The following CCAR1 variants were observed in gnomAD, a reference collection of about 807,000 sequenced individuals.
The protein encoded by CCAR1 is cell division cycle and apoptosis regulator 1.
A neutral mutation model predicts 163.8 loss-of-function variants in CCAR1; 78 were observed. The ratio of observed to expected loss-of-function variants is 0.48; its 90% CI spans 0.40 to 0.57. The LOEUF (loss-of-function observed/expected upper bound fraction) is 0.57. Among genes scored for constraint, CCAR1 ranks in the 20% least tolerant of loss-of-function variants. The probability of loss-of-function intolerance (pLI) is 0.00; values close to 1 mark genes in which losing one functional copy is unlikely to be tolerated. For synonymous variants in CCAR1, 443 were observed against 460.7 expected (o/e 0.96, Z 0.49); for missense variants, 1,019 against 1,365.2 (o/e 0.75, Z 4.00).
At chr10:68,778,062 C>T (rs1249645308) in intron 19 of CCAR1, among the ~76,000 whole-genome samples, 1 of 151,564 alleles carries the variant, frequency 6.6e-6, no homozygotes, top group Non-Finnish European at 1.5e-5. Context: ...GCTAAAAATA[C>T]AAAATTAGCT....
chr10:68,754,254 C>T (rs899851288), intron 11 of CCAR1, among the ~76,000 whole-genome samples, 177 bp downstream of exon 11: 3 of 152,174 alleles, frequency 2.0e-5, no homozygotes, highest in Non-Finnish European at 4.4e-5. Flanking sequence ...TTTGCCTCAT[C>T]TCTTGAGCTG....
chr10:68,749,088 G>C lies in CCAR1; in HGVS notation c.827-48G>C, dbSNP rs566064057. 59 of 1,609,406 alleles carry C rather than the reference G, an allele frequency of 3.7e-5. 1 individual carries two copies. In the South Asian group the frequency reaches 5.5e-4, roughly 15 times the overall value. On this transcript the variant is annotated intron_variant, in intron 8 of 24. Coordinates refer to ENST00000265872, the MANE Select transcript of CCAR1 (RefSeq NM_018237.4). ...TCTAATTTTATCAGGTAATGCCTTCGAACTTTGTTTAGACACGCTAAACGT... is the reference window on the plus strand; with the variant it reads ...TCTAATTTTATCAGGTAATGCCTTCCAACTTTGTTTAGACACGCTAAACGT...
At chr10:68,785,742 T>C (rs2056788807) in intron 19 of CCAR1, among the ~76,000 whole-genome samples, 1 of 152,226 alleles carries the variant, frequency 6.6e-6, no homozygotes, top group South Asian at 2.1e-4. Flanking sequence ...CCAAAAGAGA[T>C]TGATTAGCAG....
intron 17 of CCAR1, among the ~76,000 whole-genome samples, chr10:68,767,120 G>A (rs972383315): frequency 1.9e-4 from 29 of 151,972 alleles, no homozygotes; most frequent in African/African-American, 7.0e-4. Context: ...GTCTCTTTTG[G>A]GGATGAGGTA....
intron 19 of CCAR1, among the ~76,000 whole-genome samples, chr10:68,773,910 T>C (rs1356132686): frequency 6.6e-6 from 1 of 151,712 alleles, no homozygotes; most frequent in Non-Finnish European, 1.5e-5. Context: ...TGTTTTTTTT[T>C]CAGACGGAGT....
chr10:68,757,443 C>A, intron 15 of CCAR1, 66 bp downstream of exon 15: 1 of 867,106 alleles, frequency 1.2e-6, no homozygotes, highest in Non-Finnish European at 1.9e-6. Flanking sequence ...GAGATGGAGT[C>A]TCGCTCTGTC....
chr10:68,762,190 G>A (rs369123471), intron 16 of CCAR1, among the ~76,000 whole-genome samples: 4 of 152,032 alleles, frequency 2.6e-5, no homozygotes, highest in Middle Eastern at 6.8e-3. Flanking sequence ...TTAGCTGGGC[G>A]TGGTTGCAGG....
At chr10:68,726,487 T>A (rs2055948952) in intron 2 of CCAR1, among the ~76,000 whole-genome samples, 1 of 152,132 alleles carries the variant, frequency 6.6e-6, no homozygotes, top group Non-Finnish European at 1.5e-5. Flanking sequence ...TAATCCACAG[T>A]GCTTACCATA....
Position 68,755,388 on chromosome 10 carries a change from G to A in CCAR1, c.1477G>A (p.Gly493Ser). The A allele has an allele frequency of 6.2e-7, 1 of 1,612,482 alleles. No homozygotes were observed. The highest frequency in any genetic ancestry group is 8.5e-7 in the Non-Finnish European group (1 of 1,179,314). The change falls in exon 13 of 25, where the codon GGC (glycine) becomes AGC (serine). Residue 493 changes from glycine to serine, a missense_variant. This residue lies in a region of CCAR1 where 644 missense variants were observed against 904.4 expected (regional missense o/e 0.71). Coordinates refer to ENST00000265872, the MANE Select transcript of CCAR1 (RefSeq NM_018237.4). ...RLVKFLVGMK[G>S]KDEAMAIGGH... ...GAATTAGTTTTTAGTGGGCATGAAA[G>A]GCAAGGATGAAGCTATGGCCATTGG...
chr10:68,752,092 G>A (rs2056340004), intron 10 of CCAR1, among the ~76,000 whole-genome samples: 1 of 150,870 alleles, frequency 6.6e-6, no homozygotes, highest in African/African-American at 2.4e-5. Context: ...AATTTTTTTT[G>A]TATTTTTAGT....
At chr10:68,771,938 T>G (rs571006402) in intron 18 of CCAR1, among the ~76,000 whole-genome samples, 28 of 151,872 alleles carry the variant, frequency 1.8e-4, no homozygotes, top group African/African-American at 4.8e-4. Context: ...TGGCGTAATC[T>G]TGGCTCACTG....
At chr10:68,725,901 C>T (rs2055936838) in intron 2 of CCAR1, among the ~76,000 whole-genome samples, 1 of 151,734 alleles carries the variant, frequency 6.6e-6, no homozygotes, top group Non-Finnish European at 1.5e-5. Context: ...GGATCAGTTG[C>T]ATCCAGGAGT....
chr10:68,762,546 C>G (rs2056486428), intron 16 of CCAR1, among the ~76,000 whole-genome samples: 1 of 152,076 alleles, frequency 6.6e-6, no homozygotes, highest in Non-Finnish European at 1.5e-5. Context: ...AAGCCTGTTA[C>G]TTGTTTTCTG....
intron 18 of CCAR1, among the ~76,000 whole-genome samples, chr10:68,772,770 AC>A (rs890599455): frequency 1.4e-5 from 2 of 148,110 alleles, no homozygotes; most frequent in African/African-American, 5.0e-5. Flanking sequence ...AAAAAAAAAA[AC>A]CATATATATA....
intron 2 of CCAR1, among the ~76,000 whole-genome samples, chr10:68,734,956 C>T (rs561201951): frequency 4.6e-5 from 7 of 152,224 alleles, no homozygotes; most frequent in South Asian, 4.1e-4. Context: ...CATTTTGAGC[C>T]CCTCTCCCCA....
intron 19 of CCAR1, among the ~76,000 whole-genome samples, chr10:68,776,796 G>T (rs1412169183): frequency 6.6e-6 from 1 of 152,120 alleles, no homozygotes; most frequent in Non-Finnish European, 1.5e-5. Context: ...GCAGTCCTCT[G>T]CCTTGGCCTC....
At chr10:68,754,680 C>G (rs534166981) in intron 11 of CCAR1, 34 bp from the exon 12 acceptor site, 2 of 1,129,898 alleles carry the variant, frequency 1.8e-6, no homozygotes, top group Admixed American at 3.9e-5. Flanking sequence ...TTACTTTAGA[C>G]TTTTGACAGG....
At chr10:68,735,315 C>T (rs2056094034) in intron 2 of CCAR1, among the ~76,000 whole-genome samples, 2 of 150,110 alleles carry the variant, frequency 1.3e-5, no homozygotes. Context: ...CACAACTGCA[C>T]TTCAGCCTTA....
chr10:68,721,471 C>T (rs906549884), intron 1 of CCAR1, 189 bp downstream of exon 1: 10 of 387,398 alleles, frequency 2.6e-5, no homozygotes, highest in Non-Finnish European at 5.1e-5. Context: ...GGAGCAGGCC[C>T]GGCGCGGCCA....
Sources: allele counts gnomAD v4.1 joint callset (sites outside exome capture counted in the v4.1 genomes callset), GRCh38; gene constraint gnomAD v4.1.1; regional missense constraint gnomAD v4.1.1; transcripts MANE v1.5; gene names NCBI Gene and HGNC (gene_info 2026-07-23, HGNC 2026-07-21).